PCDHGA3: variants seen among roughly 807,000 people sequenced by gnomAD.
The protein encoded by PCDHGA3 is protocadherin gamma-A3.
Under a neutral mutation model 58.5 loss-of-function variants are expected in PCDHGA3, and 40 were observed. That is an observed-to-expected ratio of 0.68 (90% CI 0.53 to 0.89). PCDHGA3 has a LOEUF of 0.89. PCDHGA3 is among the 40% of genes least tolerant of loss of function. PCDHGA3 has a pLI of 0.00. For missense variants in PCDHGA3, 1,223 were observed against 1,195.9 expected (o/e 1.02, Z -0.33); for synonymous variants, 530 against 525.7 (o/e 1.01, Z -0.11).
Position 141,418,943 on chromosome 5 carries a change from C to T in PCDHGA3, c.2424+72486C>T, listed in dbSNP as rs751344893. On this transcript the variant is annotated intron_variant, in intron 1 of 3. Coordinates refer to ENST00000253812, the MANE Select transcript of PCDHGA3 (RefSeq NM_018916.4). ...TGATCAGATTATGGAGGATTCCCCT[C>T]CAGGAGTGGTTGTTGCCCTCTTCAA... The T allele has an allele frequency of 3.1e-6, 5 of 1,613,914 alleles. No homozygotes were observed. The African/African-American group carries it at 6.7e-5, about 22-fold the overall frequency.
At chr5:141,398,075 A>T in intron 1 of PCDHGA3, 1 of 1,592,106 alleles carries the variant, frequency 6.3e-7, no homozygotes, top group Non-Finnish European at 8.6e-7. Flanking sequence ...TACAGAGGTT[A>T]TTTGTAACCT....
At chr5:141,413,023 A>T in intron 1 of PCDHGA3, 1 of 729,646 alleles carries the variant, frequency 1.4e-6, no homozygotes, top group Non-Finnish European at 2.1e-6. Context: ...CACAAGCCCC[A>T]CAAACCGGCT....
chr5:141,475,213 G>C (rs1359120020), intron 1 of PCDHGA3, among the ~76,000 whole-genome samples: 2 of 152,170 alleles, frequency 1.3e-5, no homozygotes, highest in African/African-American at 4.8e-5. Context: ...GAAAAGGATT[G>C]ATCAAGTAAA....
At chr5:141,433,847 A>AAAAAAAC (rs1296633381) in intron 1 of PCDHGA3, among the ~76,000 whole-genome samples, 1 of 151,976 alleles carries the variant, frequency 6.6e-6, no homozygotes, top group Non-Finnish European at 1.5e-5. Flanking sequence ...CAAAAAAAAA[A>AAAAAAAC]AAAAAAAACT....
chr5:141,350,217 G>T, intron 1 of PCDHGA3: 1 of 1,490,564 alleles, frequency 6.7e-7, no homozygotes, highest in South Asian at 1.5e-5. Flanking sequence ...ATTTCTTTTT[G>T]AAAAACATCC....
Position 141,432,400 on chromosome 5 carries a change from G to C in PCDHGA3, c.2425-62407G>C, listed in dbSNP as rs139153105. ...ACCCGCCCCTCAGCAGCAACGTGTC[G>C]TTGAGCCTGTTCGTGCTGGACCAGA... is the stretch of plus-strand genomic sequence containing the variant. On this transcript the variant is annotated intron_variant, in intron 1 of 3. Coordinates refer to ENST00000253812, the MANE Select transcript of PCDHGA3 (RefSeq NM_018916.4). This position sits in a 1 kb window ranked among gnomAD's most constrained non-coding sequence, Gnocchi z 6.0. 1.2e-6 allele frequency: 2 copies of C among 1,614,240 alleles called. No individual in the cohort carries two copies. Among genetic ancestry groups the C allele is most frequent in the South Asian group, 2.2e-5 (2 of 91,090 alleles).
chr5:141,449,588 CAA>C (rs768743917), intron 1 of PCDHGA3, among the ~76,000 whole-genome samples: 5 of 57,502 alleles, frequency 8.7e-5, no homozygotes, highest in Admixed American at 1.8e-4. Flanking sequence ...GACTCTGTCT[CAA>C]AAAAAAAAAA....
At chr5:141,368,030 G>A (rs1323866640) in intron 1 of PCDHGA3, among the ~76,000 whole-genome samples, 1 of 152,122 alleles carries the variant, frequency 6.6e-6, no homozygotes. Context: ...TCAAATTCCA[G>A]GAGGATGTGT....
chr5:141,418,840 C>A, intron 1 of PCDHGA3: 1 of 1,614,006 alleles, frequency 6.2e-7, no homozygotes, highest in Non-Finnish European at 8.5e-7. Context: ...GAGGATCTCT[C>A]TCAACACGGT....
intron 1 of PCDHGA3, chr5:141,361,249 A>G: frequency 6.2e-7 from 1 of 1,614,034 alleles, no homozygotes; most frequent in Non-Finnish European, 8.5e-7. Flanking sequence ...GATAAAAACG[A>G]GAGACAGAGA....
At chr5:141,403,772 A>G in intron 1 of PCDHGA3, 1 of 1,613,960 alleles carries the variant, frequency 6.2e-7, no homozygotes, top group Middle Eastern at 1.7e-4. Flanking sequence ...TGAGGGAATC[A>G]ACGGAAAAGT....
At chr5:141,443,853 A>G (rs929370798) in intron 1 of PCDHGA3, among the ~76,000 whole-genome samples, 3 of 152,230 alleles carry the variant, frequency 2.0e-5, no homozygotes, top group African/African-American at 7.2e-5. Flanking sequence ...GGAAAGTCTG[A>G]AAACTGAAAA....
intron 1 of PCDHGA3, chr5:141,426,675 C>T: frequency 2.3e-6 from 1 of 431,942 alleles, no homozygotes; most frequent in South Asian, 1.6e-5. Flanking sequence ...TAACCCACCT[C>T]ATTTTCCCCA....
At chr5:141,376,211 G>A (rs1772408440) in intron 1 of PCDHGA3, 1 of 1,614,180 alleles carries the variant, frequency 6.2e-7, no homozygotes, top group Admixed American at 1.7e-5. Context: ...CTTCGTCATC[G>A]TGCTGCTGGC....
chr5:141,400,051 G>T, intron 1 of PCDHGA3: 1 of 1,613,762 alleles, frequency 6.2e-7, no homozygotes. Context: ...GCTGGTTGCT[G>T]TGCGTGATGG....
chr5:141,361,081 A>G, intron 1 of PCDHGA3: 1 of 1,613,948 alleles, frequency 6.2e-7, no homozygotes, highest in Non-Finnish European at 8.5e-7. Context: ...AAGTAGTTAC[A>G]CTCTGAGTAT....
chr5:141,438,700 AC>A (rs2098052453), intron 1 of PCDHGA3, among the ~76,000 whole-genome samples: 1 of 144,406 alleles, frequency 6.9e-6, no homozygotes, highest in Non-Finnish European at 1.5e-5. Context: ...TTGCTCTGTC[AC>A]CCAGGCTGGA....
At position 141,507,794 on chromosome 5, in the gene PCDHGA3, C is replaced by CT. The variant is rs576191739; in HGVS notation, c.2572+2314dup. On this transcript the variant is annotated intron_variant, in intron 3 of 3. Coordinates refer to ENST00000253812, the MANE Select transcript of PCDHGA3 (RefSeq NM_018916.4). ...CACAGGGCCTGACCCTCGTCTAAGC[C>CT]TGCGCCCTGGGGAACGGACCCTGGG... 7.9e-4 allele frequency among the ~76,000 whole-genome samples: 120 copies of CT among 152,356 alleles called. 2 individuals carry two copies. The highest frequency in any genetic ancestry group is 2.8e-3 in the African/African-American group (115 of 41,592).
intron 1 of PCDHGA3, chr5:141,419,384 G>T (rs1383174444): frequency 1.2e-6 from 2 of 1,613,554 alleles, no homozygotes; most frequent in East Asian, 2.2e-5. Flanking sequence ...GTCCGTGAGC[G>T]CGCAGAGCGG....
Sources: allele counts gnomAD v4.1 joint callset (sites outside exome capture counted in the v4.1 genomes callset), GRCh38; gene constraint gnomAD v4.1.1; non-coding constraint Gnocchi (gnomAD v3.1); transcripts MANE v1.5; gene names NCBI Gene and HGNC (gene_info 2026-07-23, HGNC 2026-07-21).